Variants in ABI2 observed in about 807,000 individuals in gnomAD.
ABI2 encodes the protein abelson interactor 2.
ABI2 carries 25 observed loss-of-function variants against 59.2 expected under a neutral mutation model. The observed-to-expected ratio is 0.42, with a 90% CI of 0.31 to 0.59. The LOEUF (loss-of-function observed/expected upper bound fraction) is 0.59. Among genes scored for constraint, ABI2 ranks in the 20% least tolerant of loss-of-function variants. ABI2 has a pLI of 0.14. For synonymous variants in ABI2, 213 were observed against 235.5 expected, an observed-to-expected ratio of 0.90 and a Z score of 0.87; for missense variants, 545 against 681.8, an observed-to-expected ratio of 0.80 and a Z score of 2.23.
At chr2:203,394,955 C>T (rs2096913087) in intron 6 of ABI2, 109 bp downstream of exon 6, 1 of 1,241,496 alleles carries the variant, frequency 8.1e-7, no homozygotes, top group East Asian at 2.4e-5. Flanking sequence ...TTTCCTCACT[C>T]TATTCTCCCA....
chr2:203,350,724 G>A (rs934458552), intron 1 of ABI2, among the ~76,000 whole-genome samples: 1 of 151,534 alleles, frequency 6.6e-6, no homozygotes, highest in Non-Finnish European at 1.5e-5. Context: ...ATTTTTATTA[G>A]AGATGGGGTT....
At chr2:203,395,065 T>TC in intron 6 of ABI2, 1 of 718,506 alleles carries the variant, frequency 1.4e-6, no homozygotes, top group Non-Finnish European at 2.5e-6. Flanking sequence ...CAGACTTCTC[T>TC]CCAAGTTTTA....
At chr2:203,345,583 A>G (rs978306707) in intron 1 of ABI2, among the ~76,000 whole-genome samples, 16 of 152,074 alleles carry the variant, frequency 1.1e-4, no homozygotes, top group African/African-American at 3.4e-4. Flanking sequence ...CTAATTTGGT[A>G]TTTTTAGTAG....
intron 9 of ABI2, among the ~76,000 whole-genome samples, chr2:203,410,933 A>G (rs928640622): frequency 5.9e-5 from 9 of 151,402 alleles, no homozygotes; most frequent in African/African-American, 1.7e-4. Context: ...GATGTTAATG[A>G]TATGAAAAAA....
chr2:203,423,530 A>G lies in ABI2; in HGVS notation c.1454-3647A>G, dbSNP rs554534826. 5.5e-3 allele frequency among the ~76,000 whole-genome samples: 835 copies of G among 152,244 alleles called. 6 individuals carry two copies. Among genetic ancestry groups the G allele is most frequent in the African/African-American group, 0.019 (796 of 41,538 alleles). ...AACCTCCGCCTCCCAGGTTCACGCC[A>G]TTCTCCTGCCTCAGCCCCACGAGTA... On this transcript the variant is annotated intron_variant, in intron 11 of 11. Coordinates refer to ENST00000261018, the MANE Select transcript of ABI2 (RefSeq NM_001375670.1).
intron 11 of ABI2, among the ~76,000 whole-genome samples, chr2:203,419,315 G>A (rs2098080439): frequency 6.6e-6 from 1 of 151,098 alleles, no homozygotes; most frequent in Admixed American, 6.6e-5. Flanking sequence ...TTTCACGGTG[G>A]TCTTGATCTC....
chr2:203,332,009 C>T (rs1312377585), intron 1 of ABI2, among the ~76,000 whole-genome samples: 4 of 151,350 alleles, frequency 2.6e-5, no homozygotes, highest in Non-Finnish European at 4.4e-5. Flanking sequence ...GGGGTTTTGC[C>T]ATGTTGGCCA....
At chr2:203,423,930 A>C (rs1357105547) in intron 11 of ABI2, among the ~76,000 whole-genome samples, 1 of 152,220 alleles carries the variant, frequency 6.6e-6, no homozygotes, top group Non-Finnish European at 1.5e-5. Flanking sequence ...TGAAATTTAG[A>C]ATGTATTTTT....
At chr2:203,411,454 A>C in intron 10 of ABI2, 83 bp downstream of exon 10, 1 of 1,038,838 alleles carries the variant, frequency 9.6e-7, no homozygotes, top group Admixed American at 2.0e-5. Flanking sequence ...ATAGTCATTC[A>C]TTTGCTGATA....
Position 203,411,453 on chromosome 2 carries a change from C to G in ABI2, c.1279+82C>G, listed in dbSNP as rs2097671994. 3 of 1,058,566 alleles carry G rather than the reference C, an allele frequency of 2.8e-6. No homozygotes were observed. In the African/African-American group the frequency reaches 4.7e-5, roughly 17 times the overall value. The allele number at this position is 1,058,566 out of a possible 1,614,324, so 65.6% of individuals were successfully genotyped here. ...ATATGTGATTGACTGGATAGTCATT[C>G]ATTTGCTGATACTTCAACATTTCAA... is the stretch of plus-strand genomic sequence containing the variant. On this transcript the variant is annotated intron_variant, in intron 10 of 11. Transcript: ENST00000261018.
intron 1 of ABI2, among the ~76,000 whole-genome samples, chr2:203,362,433 T>G (rs2093645662): frequency 6.6e-6 from 1 of 152,224 alleles, no homozygotes; most frequent in African/African-American, 2.4e-5. Context: ...TTCATGTAAT[T>G]GGGAGTGTAT....
At chr2:203,358,424 A>G (rs1254912860) in intron 1 of ABI2, among the ~76,000 whole-genome samples, 1 of 152,186 alleles carries the variant, frequency 6.6e-6, no homozygotes, top group African/African-American at 2.4e-5. Context: ...CCAGGATTAC[A>G]GGTGTGAGCC....
intron 5 of ABI2, among the ~76,000 whole-genome samples, chr2:203,393,429 T>A (rs1459867992): frequency 6.6e-6 from 1 of 152,276 alleles, no homozygotes; most frequent in Non-Finnish European, 1.5e-5. Context: ...TTTCCCATTT[T>A]ATTGTTTAAT....
At chr2:203,369,919 T>C (rs2094949218) in intron 2 of ABI2, among the ~76,000 whole-genome samples, 1 of 152,224 alleles carries the variant, frequency 6.6e-6, no homozygotes, top group Non-Finnish European at 1.5e-5. Context: ...TGAAATTTTT[T>C]TTTTTTACTT....
chr2:203,404,194 C>CT (rs2097337299), intron 9 of ABI2, among the ~76,000 whole-genome samples: 1 of 152,170 alleles, frequency 6.6e-6, no homozygotes, highest in African/African-American at 2.4e-5. Context: ...CCTTGTCAGT[C>CT]TTTTATACAG....
intron 1 of ABI2, chr2:203,355,242 C>T: frequency 2.7e-6 from 1 of 370,940 alleles, no homozygotes; most frequent in Non-Finnish European, 5.8e-6. Context: ...TACGGTGGCT[C>T]ATTCCTGTAA....
intron 11 of ABI2, among the ~76,000 whole-genome samples, chr2:203,422,321 A>C (rs895424076): frequency 4.6e-5 from 7 of 152,154 alleles, no homozygotes; most frequent in African/African-American, 1.7e-4. Flanking sequence ...GAGTCCCTAT[A>C]AACTGTCTGC....
chr2:203,342,121 T>C, intron 1 of ABI2: 1 of 429,264 alleles, frequency 2.3e-6, no homozygotes, highest in South Asian at 1.7e-5. Flanking sequence ...TAAATTTTTG[T>C]TGAGTAAAAT....
rs2096009873 is a variant in ABI2, at chr2:203,380,032, C to T, written c.286-176C>T. On this transcript the variant is annotated intron_variant, in intron 2 of 11. Coordinates refer to ENST00000261018, the MANE Select transcript of ABI2 (RefSeq NM_001375670.1). Reference sequence around the variant, plus strand: ...GATTTGGCCTGTGGGCCATGGTTTACCAGCCCTTGCTTTAACCTAAAAATG... The same window carrying T: ...GATTTGGCCTGTGGGCCATGGTTTATCAGCCCTTGCTTTAACCTAAAAATG... 2.0e-5 allele frequency among the ~76,000 whole-genome samples: 3 copies of T among 152,154 alleles called. No individual in the cohort carries two copies. In the South Asian group the frequency reaches 6.2e-4, roughly 31 times the overall value.
Sources: gnomAD v4.1 joint callset for allele counts (sites outside exome capture counted in the v4.1 genomes callset) on GRCh38, gnomAD v4.1.1 for gene constraint, MANE v1.5 for transcripts, NCBI Gene and HGNC (gene_info 2026-07-23, HGNC 2026-07-21) for gene names.